The following POTEC variants were observed in gnomAD, a reference collection of about 807,000 sequenced individuals.
The protein encoded by POTEC is POTE ankyrin domain family member C, also known as ANKRD26-like family B member 2.
Under a neutral mutation model 62.0 loss-of-function variants are expected in POTEC, and 35 were observed. The observed-to-expected ratio is 0.56, with a 90% CI of 0.43 to 0.75. The LOEUF (loss-of-function observed/expected upper bound fraction) is 0.75, where lower values mean the gene tolerates loss of function less well. POTEC is among the 30% of genes least tolerant of loss of function. The probability of loss-of-function intolerance (pLI) is 0.00; values close to 1 mark genes in which losing one functional copy is unlikely to be tolerated. For missense variants in POTEC, 472 were observed against 655.9 expected (o/e 0.72, Z 3.06); for synonymous variants, 156 against 221.5 (o/e 0.70, Z 2.62).
intron 9 of POTEC, among the ~76,000 whole-genome samples, chr18:14,519,686 C>A (rs1174788007): frequency 6.6e-6 from 1 of 152,102 alleles, no homozygotes; most frequent in African/African-American, 2.4e-5. Flanking sequence ...CACTGAACTC[C>A]AGCCTGGGTG....
chr18:14,515,657 T>C (rs868237660), intron 9 of POTEC, among the ~76,000 whole-genome samples: 6 of 65,130 alleles, frequency 9.2e-5, no homozygotes, highest in East Asian at 6.2e-4. Context: ...AATAAACAAA[T>C]AAATAAATAA....
intron 3 of POTEC, among the ~76,000 whole-genome samples, chr18:14,536,519 C>T (rs1249137781): frequency 2.0e-5 from 3 of 151,814 alleles, no homozygotes; most frequent in African/African-American, 2.4e-5. Context: ...AGCCATGCAC[C>T]ACCATGCCTG....
chr18:14,536,954 C>T (rs979699940), intron 3 of POTEC, among the ~76,000 whole-genome samples: 26 of 151,914 alleles, frequency 1.7e-4, no homozygotes, highest in African/African-American at 6.0e-4. Context: ...GAATAGGATA[C>T]TAAGTTGGTT....
intron 9 of POTEC, among the ~76,000 whole-genome samples, chr18:14,516,122 A>AT (rs1910143932): frequency 6.7e-6 from 1 of 150,170 alleles, no homozygotes; most frequent in African/African-American, 2.4e-5. Flanking sequence ...AGTTCTGTTA[A>AT]AGTAGATCTT....
chr18:14,536,015 CTT>C (rs1905701013), intron 3 of POTEC, among the ~76,000 whole-genome samples: 1 of 151,626 alleles, frequency 6.6e-6, no homozygotes, highest in Non-Finnish European at 1.5e-5. Context: ...CACCTGTAAT[CTT>C]AGCATTTTGG....
At chr18:14,515,641 AAAATAAAT>A (rs1050729195) in intron 9 of POTEC, among the ~76,000 whole-genome samples, 2 of 85,704 alleles carry the variant, frequency 2.3e-5, no homozygotes, top group Non-Finnish European at 4.4e-5. Context: ...AACAAAAATA[AAAATAAAT>A]AAACAAATAA....
rs567966122 is a variant in POTEC, at chr18:14,522,233, T to C, written c.1409+21A>G. On this transcript the variant is annotated intron_variant, in intron 9 of 10. Transcript: ENST00000358970. ...TTGACAGCATATAGTTATCTCCTAT[T>C]AAATGTTGCCATAGGCTTACCTGTG... 3.5e-5 allele frequency: 55 copies of C among 1,591,496 alleles called. No individual in the cohort carries two copies. In the African/African-American group the frequency reaches 7.2e-4, roughly 21 times the overall value.
chr18:14,534,537 T>TA (rs1905642123), intron 4 of POTEC, among the ~76,000 whole-genome samples: 1 of 151,922 alleles, frequency 6.6e-6, no homozygotes, highest in Admixed American at 6.6e-5. Context: ...ACATATAAGA[T>TA]ACAGAGGTTA....
chr18:14,526,741 T>C (rs1187741265), intron 6 of POTEC, among the ~76,000 whole-genome samples: 2 of 152,100 alleles, frequency 1.3e-5, no homozygotes, highest in South Asian at 4.1e-4. Context: ...GCTAACGATG[T>C]AGAGTAGGGC....
At chr18:14,518,918 G>A (rs1406766455) in intron 9 of POTEC, among the ~76,000 whole-genome samples, 1 of 152,020 alleles carries the variant, frequency 6.6e-6, no homozygotes, top group African/African-American at 2.4e-5. Context: ...TAATCAGAAG[G>A]GCTGGGGCAG....
Position 14,529,577 on chromosome 18 carries a change from T to C in POTEC, c.1126+906A>G, listed in dbSNP as rs190222342. On this transcript the variant is annotated intron_variant, in intron 6 of 10. Transcript: ENST00000358970. The stretch of plus-strand genomic sequence containing the variant: ...AGGTGTCCACAACCAGGTGGCATAC[T>C]AGTATTTTTGTTAATGTGAAACATT... Among the ~76,000 whole-genome samples, 341 of 152,326 alleles carry C rather than the reference T, an allele frequency of 2.2e-3. 2 individuals carry two copies. The highest frequency in any genetic ancestry group is 3.4e-3 in the Middle Eastern group (1 of 294).
chr18:14,534,450 C>G (rs1451052446), intron 4 of POTEC, among the ~76,000 whole-genome samples: 1 of 151,770 alleles, frequency 6.6e-6, no homozygotes, highest in East Asian at 1.9e-4. Context: ...AAGAAAGCAA[C>G]TTAAAGCAGA....
intron 5 of POTEC, among the ~76,000 whole-genome samples, chr18:14,531,256 C>T (rs555019534): frequency 0.013 from 2,001 of 150,616 alleles, 49 homozygotes; most frequent in African/African-American, 0.047. Context: ...TCCACTATTA[C>T]GGAGTTGACC....
chr18:14,538,147 T>C lies in POTEC; in HGVS notation c.624A>G (p.Thr208=). 1 of 1,610,254 alleles carries C rather than the reference T, an allele frequency of 6.2e-7. No individual in the cohort carries two copies. Among genetic ancestry groups the C allele is most frequent in the Non-Finnish European group, 8.5e-7 (1 of 1,178,972 alleles). ...GACTACTGCATACCTTTATCAGAGC[T>C]GTCCTTTTTTTGTTGTCAAGGACAT... ...QLNVLDNKKR[T]ALIKAVQCQE... The change falls in exon 2 of 11, where the codon ACA becomes ACG. Residue 208 remains threonine, a synonymous_variant. Coordinates refer to ENST00000358970, the MANE Select transcript of POTEC (RefSeq NM_001137671.2).
chr18:14,541,176 A>G (rs1041267347), intron 1 of POTEC, among the ~76,000 whole-genome samples: 1 of 152,088 alleles, frequency 6.6e-6, no homozygotes, highest in African/African-American at 2.4e-5. Flanking sequence ...GGCATGAGCC[A>G]CCATGGCTGG....
chr18:14,538,979 C>G (rs1194895172), intron 1 of POTEC, among the ~76,000 whole-genome samples: 3 of 152,086 alleles, frequency 2.0e-5, no homozygotes, highest in Non-Finnish European at 2.9e-5. Flanking sequence ...CAGTTCCAGT[C>G]AGATGACTAG....
chr18:14,532,252 C>T (rs961701040), intron 5 of POTEC, among the ~76,000 whole-genome samples: 1 of 152,124 alleles, frequency 6.6e-6, no homozygotes, highest in African/African-American at 2.4e-5. Flanking sequence ...TCAGCTCATT[C>T]TTGGCTAAGA....
Position 14,542,511 on chromosome 18 carries a change from G to A in POTEC, c.521+115C>T. On this transcript the variant is annotated intron_variant, in intron 1 of 10. Coordinates refer to ENST00000358970, the MANE Select transcript of POTEC (RefSeq NM_001137671.2). ...ACCTCTCTGAGGTTTCCACACCCAG[G>A]GTGGTGTGGGGCCTGCGGAGGAAGA... 24 of 1,502,250 alleles carry A rather than the reference G, an allele frequency of 1.6e-5. No homozygotes were observed. The South Asian group carries it at 3.0e-4, about 19-fold the overall frequency. 93.1% of individuals were successfully genotyped at this position (1,502,250 alleles called of 1,614,324 possible).
At position 14,513,785 on chromosome 18, in the gene POTEC, A is replaced by G. The variant is rs780622319; in HGVS notation, c.1410T>C (p.Ser470=). 19 of 1,606,730 alleles carry G rather than the reference A, an allele frequency of 1.2e-5. No individual in the cohort carries two copies. Among genetic ancestry groups the G allele is most frequent in the African/African-American group, 5.4e-5 (4 of 74,338 alleles). The part of the protein sequence containing the change: ...FPDTENEEYH[S]DEQNDTRKQL... ...GTTTCCGGGTATCATTTTGTTCGTCACTAGAAGAAATTTTAATTTTCATGA... is the reference window on the plus strand; with the variant it reads ...GTTTCCGGGTATCATTTTGTTCGTCGCTAGAAGAAATTTTAATTTTCATGA... The change falls in exon 10 of 11, where the codon AGT becomes AGC. Residue 470 remains serine, a splice_region_variant and synonymous_variant. Transcript: ENST00000358970.
Sources: gnomAD v4.1 joint callset for allele counts (sites outside exome capture counted in the v4.1 genomes callset) on GRCh38, gnomAD v4.1.1 for gene constraint, MANE v1.5 for transcripts, NCBI Gene and HGNC (gene_info 2026-07-23, HGNC 2026-07-21) for gene names.